EYS: variants seen among roughly 807,000 people sequenced by gnomAD.
EYS encodes EGF-like photoreceptor maintenance factor.
In EYS, 250 loss-of-function variants were observed where a neutral mutation model predicts 282.1. The ratio of observed to expected loss-of-function variants is 0.89; its 90% CI spans 0.80 to 0.98. The LOEUF (loss-of-function observed/expected upper bound fraction) is 0.98. EYS is among the 50% of genes least tolerant of loss of function. The pLI is 0.00. For missense variants in EYS, 4,016 were observed against 3,709.0 expected (o/e 1.08, Z -2.15); for synonymous variants, 1,355 against 1,282.9 (o/e 1.06, Z -1.20).
At chr6:65,034,680 C>T (rs992958002) in intron 13 of EYS, among the ~76,000 whole-genome samples, 1 of 152,076 alleles carries the variant, frequency 6.6e-6, no homozygotes, top group East Asian at 1.9e-4. Context: ...AGGTGCCAGC[C>T]CCATGCTTTC....
At chr6:65,522,828 C>A (rs980094469) in intron 2 of EYS, among the ~76,000 whole-genome samples, 5 of 152,070 alleles carry the variant, frequency 3.3e-5, no homozygotes, top group African/African-American at 4.8e-5. Context: ...AATAACTGAA[C>A]TTTTCACATT....
intron 8 of EYS, among the ~76,000 whole-genome samples, chr6:65,377,031 A>G (rs1312739942): frequency 6.6e-6 from 1 of 152,204 alleles, no homozygotes; most frequent in Non-Finnish European, 1.5e-5. Context: ...GCCCTAGTAG[A>G]TATCTACAGA....
In EYS at chr6:64,955,011, A is replaced by C. The variant is rs548856321; in HGVS notation, c.2260-9097T>G. 4.6e-5 allele frequency among the ~76,000 whole-genome samples: 7 copies of C among 152,046 alleles called. No individual in the cohort carries two copies. The East Asian group carries it at 1.4e-3, about 30-fold the overall frequency. On this transcript the variant is annotated intron_variant, in intron 14 of 42. Transcript: ENST00000503581. ...TGGTGAAACCATTTCTCTACCAAAAATACAATACAAAACAAAAAATTAGCC... is the reference window on the plus strand; with the variant it reads ...TGGTGAAACCATTTCTCTACCAAAACTACAATACAAAACAAAAAATTAGCC...
At chr6:63,739,283 G>C (rs1331430389) in intron 41 of EYS, among the ~76,000 whole-genome samples, 1 of 152,126 alleles carries the variant, frequency 6.6e-6, no homozygotes, top group African/African-American at 2.4e-5. Flanking sequence ...TGGAGAGTGT[G>C]CTTGGAAGCA....
intron 29 of EYS, among the ~76,000 whole-genome samples, chr6:64,321,486 A>T (rs1770218679): frequency 6.6e-6 from 1 of 151,898 alleles, no homozygotes; most frequent in East Asian, 1.9e-4. Flanking sequence ...AAAGAATGTG[A>T]GTGATATTAT....
chr6:65,561,616 A>AT (rs1332816932), intron 2 of EYS, among the ~76,000 whole-genome samples: 2 of 152,096 alleles, frequency 1.3e-5, no homozygotes, highest in Non-Finnish European at 2.9e-5. Context: ...TAACAGTTTT[A>AT]TTTTTAAGTG....
intron 33 of EYS, among the ~76,000 whole-genome samples, chr6:64,025,513 ACCTGTCTC>A (rs1393697336): frequency 6.6e-6 from 1 of 152,036 alleles, no homozygotes; most frequent in African/African-American, 2.4e-5. Flanking sequence ...AAAAATTGCT[ACCTGTCTC>A]TGGTGCTTTT....
chr6:65,036,855 CT>C (rs2150146881), intron 13 of EYS, among the ~76,000 whole-genome samples: 1 of 151,964 alleles, frequency 6.6e-6, no homozygotes, highest in East Asian at 1.9e-4. Flanking sequence ...TTATACACTG[CT>C]GGTGGGAATA....
At chr6:64,247,942 C>T (rs1337198386) in intron 30 of EYS, among the ~76,000 whole-genome samples, 1 of 151,992 alleles carries the variant, frequency 6.6e-6, no homozygotes, top group Non-Finnish European at 1.5e-5. Flanking sequence ...CTGCTGATGA[C>T]AGGTTTGAGG....
intron 22 of EYS, among the ~76,000 whole-genome samples, chr6:64,716,849 G>T (rs1397343818): frequency 1.3e-5 from 2 of 152,134 alleles, no homozygotes; most frequent in Non-Finnish European, 2.9e-5. Context: ...AGTTTTGAAG[G>T]TTTCATGCCT....
At chr6:65,426,396 G>A (rs1273322295) in intron 5 of EYS, among the ~76,000 whole-genome samples, 3 of 151,946 alleles carry the variant, frequency 2.0e-5, no homozygotes, top group Non-Finnish European at 2.9e-5. Flanking sequence ...TGGCTCTGAT[G>A]TATGGATATA....
chr6:65,102,682 A>G (rs1774928748), intron 12 of EYS, among the ~76,000 whole-genome samples: 1 of 151,314 alleles, frequency 6.6e-6, no homozygotes, highest in Non-Finnish European at 1.5e-5. Context: ...TCACACAGAG[A>G]AATAAAAATT....
At chr6:64,527,474 T>G (rs1040003975) in intron 26 of EYS, among the ~76,000 whole-genome samples, 1 of 151,872 alleles carries the variant, frequency 6.6e-6, no homozygotes, top group African/African-American at 2.4e-5. Flanking sequence ...CATTCTTATT[T>G]CTCTGACCAT....
chr6:64,149,469 TTAGA>T (rs1257033294), intron 31 of EYS, among the ~76,000 whole-genome samples: 3 of 152,144 alleles, frequency 2.0e-5, no homozygotes, highest in African/African-American at 7.2e-5. Flanking sequence ...AAATATTCTC[TTAGA>T]TGGGCACGAA....
intron 5 of EYS, among the ~76,000 whole-genome samples, chr6:65,470,330 T>C (rs1765162620): frequency 6.6e-6 from 1 of 152,112 alleles, no homozygotes; most frequent in Non-Finnish European, 1.5e-5. Context: ...ATTCTGAAGA[T>C]TAAATGTAAA....
intron 31 of EYS, among the ~76,000 whole-genome samples, chr6:64,107,302 T>A (rs1374687802): frequency 7.5e-6 from 1 of 133,784 alleles, no homozygotes; most frequent in Non-Finnish European, 1.5e-5. Flanking sequence ...TATATATATA[T>A]ATATATATAT....
chr6:65,024,777 C>CG (rs1772352408), intron 13 of EYS, among the ~76,000 whole-genome samples: 1 of 152,118 alleles, frequency 6.6e-6, no homozygotes, highest in Non-Finnish European at 1.5e-5. Context: ...GTTCTAGGAA[C>CG]TAACATTTGA....
At chr6:64,925,415 C>T (rs1391122574) in intron 15 of EYS, among the ~76,000 whole-genome samples, 1 of 140,112 alleles carries the variant, frequency 7.1e-6, no homozygotes. Flanking sequence ...TTTGGTTATA[C>T]GTAGTCTTCA....
rs117234434 is a variant in EYS at position 65,085,735 on chromosome 6, C to T, written c.2024-28008G>A. Among the ~76,000 whole-genome samples the T allele has an allele frequency of 1.3e-3, 193 of 152,158 alleles. 3 individuals are homozygous for T. In the East Asian group the frequency reaches 0.027, roughly 22 times the overall value. On this transcript the variant is annotated intron_variant, in intron 12 of 42. Coordinates refer to ENST00000503581, the MANE Select transcript of EYS (RefSeq NM_001142800.2). ...TCAAGGCTTTCCATAGTGTCTCATC[C>T]ATCTGCCTTTCCAGGTCCACTTTTC...
Sources: gnomAD v4.1 joint callset for allele counts (sites outside exome capture counted in the v4.1 genomes callset) on GRCh38, gnomAD v4.1.1 for gene constraint, MANE v1.5 for transcripts, NCBI Gene and HGNC (gene_info 2026-07-23, HGNC 2026-07-21) for gene names.